Variants in TMEM135 observed in about 807,000 individuals in gnomAD.
TMEM135 encodes peroxisomal membrane protein 52.
A neutral mutation model predicts 60.3 loss-of-function variants in TMEM135; 30 were observed. The ratio of observed to expected loss-of-function variants is 0.50; its 90% CI spans 0.37 to 0.68. The LOEUF is 0.68. TMEM135 is among the 30% of genes least tolerant of loss of function. The pLI is 0.00. For synonymous variants in TMEM135, 190 were observed against 186.7 expected (o/e 1.02, Z -0.14); for missense variants, 468 against 548.8 (o/e 0.85, Z 1.47).
At chr11:87,319,417 G>GT (rs770035308) in intron 14 of TMEM135, 40 bp downstream of exon 14, 1 of 1,425,376 alleles carries the variant, frequency 7.0e-7, no homozygotes, top group African/African-American at 1.4e-5. Context: ...ATTATGAGTG[G>GT]TTTTATCTTT....
intron 5 of TMEM135, among the ~76,000 whole-genome samples, chr11:87,173,870 T>G (rs1373249782): frequency 6.6e-6 from 1 of 152,170 alleles, no homozygotes; most frequent in Non-Finnish European, 1.5e-5. Flanking sequence ...TGGCATTTGT[T>G]GCCAGTGCGC....
At chr11:87,206,360 A>G (rs942589866) in intron 5 of TMEM135, among the ~76,000 whole-genome samples, 4 of 152,196 alleles carry the variant, frequency 2.6e-5, no homozygotes, top group Non-Finnish European at 5.9e-5. Context: ...AAAGATTGTT[A>G]TATTTCATCT....
At position 87,328,022 on chromosome 11, in the gene TMEM135, A is replaced by T. The variant is rs1435407489; in HGVS notation, c.*6689A>T. 2 of 453,940 alleles carry T rather than the reference A, an allele frequency of 4.4e-6. No individual in the cohort carries two copies. The highest frequency in any genetic ancestry group is 7.0e-5 in the East Asian group (1 of 14,388). The allele number at this position is 453,940 out of a possible 1,614,324, so 28.1% of individuals were successfully genotyped here. A position where few individuals can be genotyped will look rare whatever the true frequency, so the allele number is the denominator to read the frequency against. ...CTCCTCTGGAAACACCCTCACAGACACACCCCAAAATAATGCCTTACCAGT... is the reference window on the plus strand; with the variant it reads ...CTCCTCTGGAAACACCCTCACAGACTCACCCCAAAATAATGCCTTACCAGT... On this transcript the variant is annotated 3_prime_UTR_variant, in exon 15 of 15. Transcript: ENST00000305494.
chr11:87,146,478 G>A (rs1938420787), intron 4 of TMEM135, among the ~76,000 whole-genome samples: 1 of 152,118 alleles, frequency 6.6e-6, no homozygotes, highest in Non-Finnish European at 1.5e-5. Flanking sequence ...CTGGCCTTAA[G>A]CGATCCTCCT....
chr11:87,205,323 G>A (rs1022778391), intron 5 of TMEM135, among the ~76,000 whole-genome samples: 1 of 152,198 alleles, frequency 6.6e-6, no homozygotes. Flanking sequence ...TGGATTTTTA[G>A]TAGGCAATAA....
rs112964307 is a variant in TMEM135, at chr11:87,307,839, C to T, written c.769-1666C>T. 2.8e-3 allele frequency among the ~76,000 whole-genome samples: 424 copies of T among 152,226 alleles called. 2 individuals are homozygous for T. The highest frequency in any genetic ancestry group is 0.017 in the Middle Eastern group (5 of 294). ...AAATACTCATATTAATTACATTGTCCTCAACATTCTGTACTCCATTCACAC... is the reference window on the plus strand; with the variant it reads ...AAATACTCATATTAATTACATTGTCTTCAACATTCTGTACTCCATTCACAC... On this transcript the variant is annotated intron_variant, in intron 9 of 14. Coordinates refer to ENST00000305494, the MANE Select transcript of TMEM135 (RefSeq NM_022918.4).
At position 87,328,026 on chromosome 11, in the gene TMEM135, C is replaced by A. The variant is rs1166951808; in HGVS notation, c.*6693C>A. 2.2e-6 allele frequency: 1 copy of A among 453,934 alleles called. No individual in the cohort carries two copies. Among genetic ancestry groups the A allele is most frequent in the Non-Finnish European group, 4.4e-6 (1 of 226,788 alleles). The allele number at this position is 453,934 out of a possible 1,614,324, so 28.1% of individuals were successfully genotyped here. On this transcript the variant is annotated 3_prime_UTR_variant, in exon 15 of 15. Transcript: ENST00000305494. ...TCTGGAAACACCCTCACAGACACAC[C>A]CCAAAATAATGCCTTACCAGTTCTC...
At chr11:87,062,165 C>T (rs1282975439) in intron 1 of TMEM135, among the ~76,000 whole-genome samples, 1 of 151,858 alleles carries the variant, frequency 6.6e-6, no homozygotes, top group East Asian at 1.9e-4. Flanking sequence ...ACCACCACGC[C>T]TGGCTAATTT....
chr11:87,242,316 G>A (rs976505040), intron 6 of TMEM135, among the ~76,000 whole-genome samples: 17 of 151,794 alleles, frequency 1.1e-4, no homozygotes, highest in Non-Finnish European at 2.5e-4. Flanking sequence ...AAACATACAC[G>A]TGCATGTGTC....
intron 1 of TMEM135, among the ~76,000 whole-genome samples, chr11:87,043,141 G>T: frequency 6.6e-6 from 1 of 151,508 alleles, no homozygotes; most frequent in Non-Finnish European, 1.5e-5. Flanking sequence ...TTTTAGTAGA[G>T]ACGGGGTTTC....
At chr11:87,087,725 C>T (rs574135109) in intron 3 of TMEM135, among the ~76,000 whole-genome samples, 19 of 151,930 alleles carry the variant, frequency 1.3e-4, no homozygotes, top group Non-Finnish European at 2.4e-4. Flanking sequence ...CTATTCCATA[C>T]GGAATCTCAG....
intron 5 of TMEM135, among the ~76,000 whole-genome samples, chr11:87,222,181 CAAAA>C (rs386374401): frequency 3.6e-5 from 2 of 55,482 alleles, no homozygotes; most frequent in East Asian, 5.3e-4. Context: ...GACTCTGTCT[CAAAA>C]AAAAAAAAAA....
intron 12 of TMEM135, among the ~76,000 whole-genome samples, chr11:87,315,425 C>T (rs1391007206): frequency 6.6e-6 from 1 of 151,860 alleles, no homozygotes; most frequent in Non-Finnish European, 1.5e-5. Context: ...ATTGCATCAT[C>T]ACATGACGAG....
intron 5 of TMEM135, among the ~76,000 whole-genome samples, chr11:87,178,078 A>G (rs1236799866): frequency 3.3e-5 from 5 of 152,116 alleles, no homozygotes; most frequent in African/African-American, 1.2e-4. Context: ...TTGGGGTTTC[A>G]GTATATGGGT....
intron 6 of TMEM135, among the ~76,000 whole-genome samples, chr11:87,247,915 G>A (rs1941324129): frequency 6.6e-6 from 1 of 151,864 alleles, no homozygotes; most frequent in African/African-American, 2.4e-5. Flanking sequence ...CGGTACCTCA[G>A]ATGGAAATGC....
At chr11:87,159,318 A>G (rs1455784555) in intron 5 of TMEM135, among the ~76,000 whole-genome samples, 2 of 152,188 alleles carry the variant, frequency 1.3e-5, no homozygotes, top group African/African-American at 4.8e-5. Context: ...GGCACCTCAT[A>G]GTTACCATCT....
chr11:87,143,136 T>A (rs1027979613), intron 4 of TMEM135, among the ~76,000 whole-genome samples: 7 of 152,122 alleles, frequency 4.6e-5, no homozygotes, highest in Admixed American at 4.6e-4. Flanking sequence ...GTGATTGTAC[T>A]TTTTTAGCTC....
intron 5 of TMEM135, among the ~76,000 whole-genome samples, chr11:87,196,829 G>C (rs1212366857): frequency 6.6e-6 from 1 of 152,028 alleles, no homozygotes; most frequent in Non-Finnish European, 1.5e-5. Context: ...ATGTTTAGTG[G>C]CTTGTAAAAG....
chr11:87,268,187 C>G (rs1454522412), intron 6 of TMEM135, among the ~76,000 whole-genome samples: 2 of 93,292 alleles, frequency 2.1e-5, no homozygotes. Context: ...TCTTTTCTTT[C>G]TTCTTTTCTG....
Sources: allele counts gnomAD v4.1 joint callset (sites outside exome capture counted in the v4.1 genomes callset), GRCh38; gene constraint gnomAD v4.1.1; transcripts MANE v1.5; gene names NCBI Gene and HGNC (gene_info 2026-07-23, HGNC 2026-07-21).